Variants in BACH2 observed in about 807,000 individuals in gnomAD.
BACH2 encodes transcription regulator protein BACH2.
Under a neutral mutation model 61.8 loss-of-function variants are expected in BACH2, and 5 were observed. The observed-to-expected ratio is 0.08, with a 90% confidence interval of 0.04 to 0.17. The LOEUF is 0.17. Ranked by LOEUF, BACH2 falls within the 10% of genes least tolerant of loss-of-function variation. BACH2 has a pLI of 1.00. For missense variants in BACH2, 824 were observed against 1,091.1 expected, an observed-to-expected ratio of 0.76 and a Z score of 3.45; for synonymous variants, 446 against 440.1, an observed-to-expected ratio of 1.01 and a Z score of -0.17.
chr6:90,051,895 T>C (rs2127794890), intron 5 of BACH2, among the ~76,000 whole-genome samples: 1 of 152,338 alleles, frequency 6.6e-6, no homozygotes, highest in Non-Finnish European at 1.5e-5. Context: ...CATATTTTCA[T>C]TATCATTCAA....
chr6:90,010,418 C>T (rs530615161), intron 5 of BACH2, among the ~76,000 whole-genome samples: 2 of 152,336 alleles, frequency 1.3e-5, no homozygotes, highest in Admixed American at 1.3e-4. Flanking sequence ...ATCCATGTTG[C>T]TGCATATATC....
At chr6:90,244,791 C>G (rs961361872) in intron 3 of BACH2, among the ~76,000 whole-genome samples, 3 of 152,236 alleles carry the variant, frequency 2.0e-5, no homozygotes, top group Non-Finnish European at 4.4e-5. Flanking sequence ...TCTGAGCCAT[C>G]ATCACCCTCA....
intron 6 of BACH2, among the ~76,000 whole-genome samples, chr6:89,952,491 C>T (rs1375646264): frequency 6.6e-6 from 1 of 152,146 alleles, no homozygotes; most frequent in Non-Finnish European, 1.5e-5. Context: ...CATTATCTCA[C>T]CAGAGATGAC....
chr6:90,137,868 G>A (rs560642192), intron 4 of BACH2, among the ~76,000 whole-genome samples: 345 of 152,300 alleles, frequency 2.3e-3, no homozygotes, highest in African/African-American at 7.4e-3. Context: ...GCCAGGCAGT[G>A]TGGGACAGCT....
intron 5 of BACH2, among the ~76,000 whole-genome samples, chr6:90,030,277 G>T (rs1325471418): frequency 1.3e-5 from 2 of 152,142 alleles, no homozygotes; most frequent in Non-Finnish European, 2.9e-5. Flanking sequence ...GCACCCTCAG[G>T]ATGATGCTTT....
At chr6:90,091,366 C>CA (rs764665230) in intron 4 of BACH2, among the ~76,000 whole-genome samples, 1 of 152,026 alleles carries the variant, frequency 6.6e-6, no homozygotes, top group Admixed American at 6.6e-5. Context: ...TTATATAACA[C>CA]AAAACAGGTT....
At chr6:89,972,792 CT>C (rs1775438784) in intron 6 of BACH2, among the ~76,000 whole-genome samples, 1 of 150,976 alleles carries the variant, frequency 6.6e-6, no homozygotes, top group Admixed American at 6.6e-5. Flanking sequence ...TGTAAAGGGT[CT>C]TTAAAAAAAA....
At chr6:89,933,816 T>C (rs976376196) in intron 8 of BACH2, among the ~76,000 whole-genome samples, 1 of 144,578 alleles carries the variant, frequency 6.9e-6, no homozygotes, top group African/African-American at 2.5e-5. Flanking sequence ...CAAAACCCCT[T>C]CTCTACAAAA....
chr6:90,201,906 C>G (rs1289186655), intron 4 of BACH2, among the ~76,000 whole-genome samples: 1 of 152,136 alleles, frequency 6.6e-6, no homozygotes, highest in African/African-American at 2.4e-5. Context: ...TGAGGGTGTC[C>G]TGGAAAGGAG....
rs1774084361 is a variant in BACH2, at chr6:89,951,196, C to A, written c.910G>T (p.Ala304Ser). Residue 304 changes from alanine to serine, a missense_variant, in exon 7 of 9, where the codon GCG (alanine) becomes TCG (serine). Ala to Ser is a moderately conservative substitution (Grantham distance 99). Transcript: ENST00000257749. The surrounding 1 kb of genome is among the most constrained non-coding windows in gnomAD (Gnocchi z 6.4). ...SGDEPDAKDR[A>S]GDVEMDRKQP... ...TTCCGGTCCATCTCGACATCCCCCG[C>A]TCTGTCCTTGGCGTCAGGCTCATCT... The A allele has an allele frequency of 6.2e-7, 1 of 1,613,872 alleles. No individual in the cohort carries two copies. Among genetic ancestry groups the A allele is most frequent in the African/African-American group, 1.3e-5 (1 of 74,944 alleles).
At chr6:90,015,651 C>A (rs1363721032) in intron 5 of BACH2, among the ~76,000 whole-genome samples, 1 of 152,128 alleles carries the variant, frequency 6.6e-6, no homozygotes, top group Admixed American at 6.5e-5. Flanking sequence ...TGACTTTAAT[C>A]CTTTTAAATT....
rs566540080 is a variant in BACH2, at chr6:90,063,479, A to T, written c.-13+25482T>A. ...TTGAAAGGCCAAATGATGTGCATAT[A>T]ATTTTGGGTAGGTAGTGCTATAAAA... On this transcript the variant is annotated intron_variant, in intron 5 of 8. Transcript: ENST00000257749. Among the ~76,000 whole-genome samples the T allele has an allele frequency of 2.1e-3, 325 of 152,342 alleles. 1 individual carries two copies. The highest frequency in any genetic ancestry group is 0.013 in the South Asian group (64 of 4,824).
chr6:90,281,536 ATACTGCT>A (rs1299116915), intron 1 of BACH2, among the ~76,000 whole-genome samples: 1 of 152,114 alleles, frequency 6.6e-6, no homozygotes, highest in African/African-American at 2.4e-5. Context: ...GGTAGCTGTT[ATACTGCT>A]TTTTGTGACA....
intron 1 of BACH2, among the ~76,000 whole-genome samples, chr6:90,272,487 C>T (rs542785303): frequency 6.6e-6 from 1 of 152,266 alleles, no homozygotes; most frequent in South Asian, 2.1e-4. Flanking sequence ...CCTTTATTCT[C>T]AACTCTCCAG....
intron 5 of BACH2, among the ~76,000 whole-genome samples, chr6:90,016,492 T>C (rs574268113): frequency 5.3e-5 from 8 of 152,214 alleles, no homozygotes; most frequent in Admixed American, 1.3e-4. Context: ...TATCATAATA[T>C]GCTTCTTTAA....
At chr6:90,198,338 C>T (rs4997561) in intron 4 of BACH2, among the ~76,000 whole-genome samples, 46,834 of 151,954 alleles carry the variant, frequency 0.31, 8,696 homozygotes, top group Non-Finnish European at 0.42. Context: ...CAGCTGCCTG[C>T]CACTCATCCA....
At chr6:90,208,825 T>C (rs1421631155) in intron 3 of BACH2, among the ~76,000 whole-genome samples, 1 of 152,160 alleles carries the variant, frequency 6.6e-6, no homozygotes, top group Admixed American at 6.5e-5. Context: ...AATGATAGAC[T>C]GGATAAATAA....
intron 6 of BACH2, among the ~76,000 whole-genome samples, chr6:89,980,084 C>CA (rs554854618): frequency 4.1e-4 from 63 of 152,226 alleles, no homozygotes; most frequent in South Asian, 1.5e-3. Flanking sequence ...CCTGAGAGGT[C>CA]AGGAGTTCAA....
intron 4 of BACH2, among the ~76,000 whole-genome samples, chr6:90,106,010 A>C (rs1015708651): frequency 6.6e-6 from 1 of 152,220 alleles, no homozygotes; most frequent in Admixed American, 6.5e-5. Flanking sequence ...GCTTCAGAAG[A>C]GGGAAGAAGG....
Sources: gnomAD v4.1 joint callset for allele counts (sites outside exome capture counted in the v4.1 genomes callset) on GRCh38, gnomAD v4.1.1 for gene constraint, Gnocchi (gnomAD v3.1) non-coding constraint, MANE v1.5 for transcripts, NCBI Gene and HGNC (gene_info 2026-07-23, HGNC 2026-07-21) for gene names.